Variants in OGT observed in about 807,000 individuals in gnomAD.
OGT encodes O-linked N-acetylglucosamine (GlcNAc) transferase.
In OGT, 3 loss-of-function variants were observed where a neutral mutation model predicts 75.8. The ratio of observed to expected loss-of-function variants is 0.04; its 90% CI spans 0.02 to 0.10. The LOEUF is 0.10. Among genes scored for constraint, OGT ranks in the 10% least tolerant of loss-of-function variants. The pLI is 1.00. For missense variants in OGT, 260 were observed against 824.4 expected (o/e 0.32, Z 8.38); for synonymous variants, 257 against 289.7 (o/e 0.89, Z 1.15).
At position 71,574,796 on chromosome X, in the gene OGT, C is replaced by A. The variant is rs1449091397; in HGVS notation, c.*1002C>A. Reference sequence around the variant, plus strand: ...TAAGTGAGTCCTGTTCTTCCTATTTCTTTCAGCAGAAATGAAATCCCAGGT... The same window carrying A: ...TAAGTGAGTCCTGTTCTTCCTATTTATTTCAGCAGAAATGAAATCCCAGGT... On this transcript the variant is annotated 3_prime_UTR_variant, in exon 22 of 22. Coordinates refer to ENST00000373719, the MANE Select transcript of OGT (RefSeq NM_181672.3). 3 of 85,363 alleles carry A rather than the reference C, an allele frequency of 3.5e-5. No homozygotes were observed. Among genetic ancestry groups the A allele is most frequent in the Admixed American group, 1.4e-4 (1 of 7,387 alleles). 7.0% of individuals were successfully genotyped at this position (85,363 alleles called of 1,213,427 possible). A position where few individuals can be genotyped will look rare whatever the true frequency, so the allele number is the denominator to read the frequency against.
chrX:71,563,069 T>G (rs772194133), intron 16 of OGT, 52 bp downstream of exon 16: 45 of 1,193,476 alleles, frequency 3.8e-5, no homozygotes, highest in Non-Finnish European at 5.1e-5. Context: ...TAGCTTTTTA[T>G]TTCCTTGCTA....
At chrX:71,553,723 T>A (rs1037353567) in intron 5 of OGT, 1 of 111,156 alleles carries the variant, frequency 9.0e-6, no homozygotes, top group African/African-American at 3.3e-5. Flanking sequence ...CCTCAAGTGG[T>A]CCGACCTCGG....
intron 3 of OGT, among the ~76,000 whole-genome samples, chrX:71,543,750 GTGTGTGTGTGTGTGTGTATA>G (rs2040237921): frequency 1.6e-5 from 1 of 62,295 alleles, no homozygotes; most frequent in Non-Finnish European, 2.4e-5. Flanking sequence ...GTGTGTGTGT[GTGTGTGTGTGTGTGTGTATA>G]TATATATATA....
intron 6 of OGT, 66 bp downstream of exon 6, chrX:71,554,658 A>G: frequency 1.1e-6 from 1 of 883,832 alleles, no homozygotes; most frequent in Non-Finnish European, 1.7e-6. Context: ...GACAGTTTGG[A>G]CCGAAATGAT....
intron 4 of OGT, chrX:71,546,010 G>T: frequency 4.3e-6 from 1 of 230,533 alleles, no homozygotes; most frequent in Non-Finnish European, 6.2e-6. Flanking sequence ...TAGTAAACAA[G>T]AAAATACTCT....
intron 4 of OGT, chrX:71,546,881 C>G: frequency 1.3e-6 from 1 of 753,754 alleles, no homozygotes; most frequent in South Asian, 6.8e-5. Flanking sequence ...TTGACTGGCT[C>G]CCTCAGTCCT....
chrX:71,558,744 C>A (rs2040360788), intron 12 of OGT, among the ~76,000 whole-genome samples: 1 of 103,921 alleles, frequency 9.6e-6, no homozygotes, highest in East Asian at 3.0e-4. Flanking sequence ...TTCATACCTA[C>A]AAGTGTTAGA....
chrX:71,545,758 T>C (rs1413448471), intron 4 of OGT: 4 of 112,783 alleles, frequency 3.5e-5, no homozygotes, highest in African/African-American at 1.3e-4. Context: ...AGCTAATGAA[T>C]TGTAATTGAT....
At chrX:71,551,976 G>A (rs963334666) in intron 5 of OGT, among the ~76,000 whole-genome samples, 4 of 110,932 alleles carry the variant, frequency 3.6e-5, no homozygotes, top group Non-Finnish European at 7.6e-5. Flanking sequence ...GGGAGGCTGA[G>A]GCGAGTGGAT....
chrX:71,537,901 T>C lies in OGT; in HGVS notation c.291T>C (p.Asn97=), dbSNP rs2040190609. The change falls in exon 3 of 22, where the codon AAT becomes AAC. Residue 97 remains asparagine (N), a synonymous_variant. Transcript: ENST00000373719. ...LLAEAYSNLG[N]VYKERGQLQE... ...CAGAAGCTTATTCGAATTTGGGGAATGTGTACAAGGAAAGAGGGCAGTTGC... is the reference window on the plus strand; with the variant it reads ...CAGAAGCTTATTCGAATTTGGGGAACGTGTACAAGGAAAGAGGGCAGTTGC... 2 of 1,211,898 alleles carry C rather than the reference T, an allele frequency of 1.7e-6. No homozygotes were observed. The highest frequency in any genetic ancestry group is 2.2e-6 in the Non-Finnish European group (2 of 895,483).
Position 71,557,517 on chromosome X carries a change from G to C in OGT, c.1447G>C (p.Asp483His), listed in dbSNP as rs1458594399. ...GATTGTCTGTGATTGGACAGACTAT[G>C]ATGAGCGAATGAAGAAGTTGGTCAG... is the stretch of plus-strand genomic sequence containing the variant. ...LQIVCDWTDY[D>H]ERMKKLVSIV... is the part of the protein sequence containing the mutation. The change falls in exon 12 of 22, where the codon GAT becomes CAT. Residue 483 changes from aspartate to histidine, a missense_variant. Transcript: ENST00000373719. 8.3e-7 allele frequency: 1 copy of C among 1,207,659 alleles called. No homozygotes were observed. Among genetic ancestry groups the C allele is most frequent in the Non-Finnish European group, 1.1e-6 (1 of 894,556 alleles).
chrX:71,548,726 A>C (rs1232714204), intron 5 of OGT, among the ~76,000 whole-genome samples: 1 of 111,175 alleles, frequency 9.0e-6, no homozygotes. Context: ...ATGGACACAA[A>C]GGGGAACAAT....
chrX:71,574,749 T>G lies in OGT; in HGVS notation c.*955T>G, dbSNP rs775249437. On this transcript the variant is annotated 3_prime_UTR_variant, in exon 22 of 22. Coordinates refer to ENST00000373719, the MANE Select transcript of OGT (RefSeq NM_181672.3). ...TGTGTAAGATTTTTACCTTCCTTTC[T>G]AAAGTTTTTTTTTTTTTTTTTTAAG... 1.0e-5 allele frequency: 1 copy of G among 98,292 alleles called. No homozygotes were observed. The highest frequency in any genetic ancestry group is 2.0e-5 in the Non-Finnish European group (1 of 50,842). 8.1% of individuals were successfully genotyped at this position (98,292 alleles called of 1,213,427 possible).
intron 5 of OGT, among the ~76,000 whole-genome samples, chrX:71,551,482 A>C (rs753651317): frequency 2.7e-5 from 3 of 111,185 alleles, no homozygotes; most frequent in African/African-American, 9.8e-5. Context: ...AAATACAAAA[A>C]TTAGCCAGGC....
intron 19 of OGT, among the ~76,000 whole-genome samples, chrX:71,565,393 A>ATT (rs748094698): frequency 1.9e-5 from 2 of 107,869 alleles, no homozygotes; most frequent in African/African-American, 6.7e-5. Context: ...TGTCTGGGTA[A>ATT]TTTTTTTTTG....
chrX:71,563,564 T>G, intron 18 of OGT, 65 bp downstream of exon 18: 1 of 907,773 alleles, frequency 1.1e-6, no homozygotes, highest in Non-Finnish European at 1.5e-6. Context: ...CTTAACCTCA[T>G]GATAACTCTA....
chrX:71,568,248 C>T, intron 21 of OGT, 132 bp downstream of exon 21: 1 of 441,202 alleles, frequency 2.3e-6, no homozygotes. Context: ...GGGAGAAGTA[C>T]TTCTAAACTC....
intron 3 of OGT, among the ~76,000 whole-genome samples, chrX:71,542,572 AT>A (rs1424243839): frequency 2.7e-5 from 3 of 112,217 alleles, no homozygotes; most frequent in African/African-American, 9.7e-5. Flanking sequence ...CTAGAGGGTA[AT>A]AAAATTACGC....
At chrX:71,559,735 T>TAGC (rs2040369051) in intron 14 of OGT, 58 bp downstream of exon 14, 10 of 885,378 alleles carry the variant, frequency 1.1e-5, no homozygotes, top group Non-Finnish European at 1.6e-5. Flanking sequence ...ATAAAACTAT[T>TAGC]AGCATATAGT....
Sources: allele counts gnomAD v4.1 joint callset (sites outside exome capture counted in the v4.1 genomes callset), GRCh38; gene constraint gnomAD v4.1.1; transcripts MANE v1.5; gene names NCBI Gene and HGNC (gene_info 2026-07-23, HGNC 2026-07-21).